DCLK2: variants seen among roughly 807,000 people sequenced by gnomAD.
DCLK2 encodes the protein serine/threonine-protein kinase DCLK2.
DCLK2 carries 31 observed loss-of-function variants against 78.4 expected under a neutral mutation model. The ratio of observed to expected loss-of-function variants is 0.40; its 90% CI spans 0.30 to 0.53. DCLK2 has a LOEUF of 0.53. Ranked by LOEUF, DCLK2 falls within the 20% of genes least tolerant of loss-of-function variation. The pLI is 0.61. For synonymous variants in DCLK2, 407 were observed against 374.9 expected (o/e 1.09, Z -0.99); for missense variants, 872 against 973.7 (o/e 0.90, Z 1.39).
chr4:150,090,774 A>G lies in DCLK2; in HGVS notation c.421+11326A>G, dbSNP rs371650122. 5.9e-5 allele frequency among the ~76,000 whole-genome samples: 9 copies of G among 152,308 alleles called. No individual in the cohort carries two copies. In the South Asian group the frequency reaches 1.7e-3, roughly 28 times the overall value. ...GCAGATTTTGTACCCCCTTCTCGGT[A>G]GAAGGTATCACAGACCATACAACTG... is the stretch of plus-strand genomic sequence containing the variant. On this transcript the variant is annotated intron_variant, in intron 1 of 15. Coordinates refer to ENST00000296550, the MANE Select transcript of DCLK2 (RefSeq NM_001040260.4).
rs1314940487 is a variant in DCLK2 at position 150,257,060 on chromosome 4, G to A, written c.*813G>A. 1 of 152,262 alleles carries A rather than the reference G, an allele frequency of 6.6e-6. No individual in the cohort carries two copies. The highest frequency in any genetic ancestry group is 1.5e-5 in the Non-Finnish European group (1 of 68,062). 9.4% of individuals were successfully genotyped at this position (152,262 alleles called of 1,614,324 possible). ...TTTTAATGAGAGGCTTGGCGCATGC[G>A]GCACCCAGCGGCTGCTTCCCTGCAA... On this transcript the variant is annotated 3_prime_UTR_variant, in exon 16 of 16. Coordinates refer to ENST00000296550, the MANE Select transcript of DCLK2 (RefSeq NM_001040260.4).
At position 150,247,705 on chromosome 4, in the gene DCLK2, C is replaced by G; in HGVS notation, c.1875+6C>G. On this transcript the variant is annotated splice_donor_region_variant and intron_variant, in intron 13 of 15. Transcript: ENST00000296550. The stretch of plus-strand genomic sequence containing the variant: ...ACATCACGGACTCTGCCAAGGTACC[C>G]TCCAGGCCTGTTTCTGTGGGTTGTA... The G allele has an allele frequency of 6.2e-7, 1 of 1,612,332 alleles. No homozygotes were observed. Among genetic ancestry groups the G allele is most frequent in the Non-Finnish European group, 8.5e-7 (1 of 1,178,624 alleles).
At chr4:150,162,125 G>A (rs906221379) in intron 2 of DCLK2, among the ~76,000 whole-genome samples, 1 of 152,036 alleles carries the variant, frequency 6.6e-6, no homozygotes, top group African/African-American at 2.4e-5. Context: ...CAACCTCCTG[G>A]GCTCAGATGA....
At chr4:150,215,700 A>G (rs944697950) in intron 5 of DCLK2, among the ~76,000 whole-genome samples, 4 of 152,226 alleles carry the variant, frequency 2.6e-5, no homozygotes, top group African/African-American at 4.8e-5. Flanking sequence ...TTCATTACAT[A>G]GGCATGATTG....
intron 2 of DCLK2, among the ~76,000 whole-genome samples, chr4:150,107,363 GT>G (rs1232692980): frequency 2.1e-3 from 305 of 143,702 alleles, no homozygotes; most frequent in African/African-American, 7.3e-3. Context: ...GGTTTGTAGG[GT>G]TTTTTTGGTT....
intron 7 of DCLK2, among the ~76,000 whole-genome samples, chr4:150,222,148 G>A (rs62344470): frequency 6.6e-6 from 1 of 151,960 alleles, no homozygotes; most frequent in Non-Finnish European, 1.5e-5. Context: ...TAGAGACAGG[G>A]TCTTGCTTTG....
chr4:150,214,953 C>CAAAAA (rs60156550), intron 5 of DCLK2, among the ~76,000 whole-genome samples: 17 of 86,252 alleles, frequency 2.0e-4, no homozygotes, highest in East Asian at 3.8e-4. Flanking sequence ...CAGAGTGTCT[C>CAAAAA]AAAAAAAAAA....
At chr4:150,107,188 G>A (rs868452384) in intron 2 of DCLK2, among the ~76,000 whole-genome samples, 1 of 151,902 alleles carries the variant, frequency 6.6e-6, no homozygotes, top group South Asian at 2.1e-4. Context: ...CTGGTGTAGA[G>A]TAAGTGAGCT....
chr4:150,244,320 T>C (rs1743145171), intron 12 of DCLK2, among the ~76,000 whole-genome samples: 1 of 152,168 alleles, frequency 6.6e-6, no homozygotes, highest in Admixed American at 6.5e-5. Flanking sequence ...ATTTTAGTTG[T>C]TGTCTAAGCA....
chr4:150,168,629 G>A (rs1329977603), intron 2 of DCLK2, among the ~76,000 whole-genome samples: 1 of 152,160 alleles, frequency 6.6e-6, no homozygotes, highest in East Asian at 1.9e-4. Context: ...GATACGTTCT[G>A]CTGCTAACAG....
At chr4:150,221,972 G>A (rs892962852) in intron 7 of DCLK2, among the ~76,000 whole-genome samples, 187 bp downstream of exon 7, 7 of 150,408 alleles carry the variant, frequency 4.7e-5, no homozygotes, top group Middle Eastern at 3.4e-3. Context: ...TTGTTTGTTT[G>A]TTTGTTTATT....
chr4:150,235,511 G>A (rs1415234997), intron 10 of DCLK2, among the ~76,000 whole-genome samples: 2 of 152,276 alleles, frequency 1.3e-5, no homozygotes, highest in Non-Finnish European at 1.5e-5. Flanking sequence ...ACCTACGGGA[G>A]CCCCCTTGTG....
chr4:150,223,022 A>G (rs1041228211), intron 7 of DCLK2, among the ~76,000 whole-genome samples: 5 of 152,160 alleles, frequency 3.3e-5, no homozygotes, highest in African/African-American at 1.2e-4. Flanking sequence ...AATTTTTATC[A>G]TTTCTGGAGA....
At chr4:150,238,524 T>A (rs1742674157) in intron 10 of DCLK2, among the ~76,000 whole-genome samples, 1 of 152,252 alleles carries the variant, frequency 6.6e-6, no homozygotes, top group South Asian at 2.1e-4. Flanking sequence ...GAAAGGTTCT[T>A]TAAGCATAAA....
At chr4:150,127,080 A>G (rs1410809124) in intron 2 of DCLK2, among the ~76,000 whole-genome samples, 4 of 152,212 alleles carry the variant, frequency 2.6e-5, no homozygotes, top group Non-Finnish European at 4.4e-5. Context: ...TCAGTGAATC[A>G]TAACAGAAGG....
At chr4:150,241,503 T>G (rs1742922726) in intron 12 of DCLK2, among the ~76,000 whole-genome samples, 1 of 152,230 alleles carries the variant, frequency 6.6e-6, no homozygotes, top group Non-Finnish European at 1.5e-5. Context: ...TTCACTTTAA[T>G]CTCTTCCCTT....
In DCLK2 at chr4:150,144,912, A is replaced by G. The variant is rs147225923; in HGVS notation, c.756+42100A>G. On this transcript the variant is annotated intron_variant, in intron 2 of 15. Coordinates refer to ENST00000296550, the MANE Select transcript of DCLK2 (RefSeq NM_001040260.4). ...GTTTTCTCTAATTCTGCGCAATATGATGTTGATAATTTGATAGAAATTACA... is the reference window on the plus strand; with the variant it reads ...GTTTTCTCTAATTCTGCGCAATATGGTGTTGATAATTTGATAGAAATTACA... Among the ~76,000 whole-genome samples the G allele has an allele frequency of 4.2e-3, 644 of 152,240 alleles. 1 individual carries two copies. Among genetic ancestry groups the G allele is most frequent in the Non-Finnish European group, 6.3e-3 (426 of 68,014 alleles).
At chr4:150,164,279 GATT>G (rs1735909011) in intron 2 of DCLK2, among the ~76,000 whole-genome samples, 1 of 152,212 alleles carries the variant, frequency 6.6e-6, no homozygotes, top group Non-Finnish European at 1.5e-5. Flanking sequence ...CCCAGAGTCT[GATT>G]AAGTGGTCTG....
At chr4:150,170,472 T>A (rs538609815) in intron 2 of DCLK2, among the ~76,000 whole-genome samples, 1 of 152,278 alleles carries the variant, frequency 6.6e-6, no homozygotes, top group East Asian at 1.9e-4. Context: ...TGAGGAAAAT[T>A]GAGCTCACTC....
Sources: gnomAD v4.1 joint callset for allele counts (sites outside exome capture counted in the v4.1 genomes callset) on GRCh38, gnomAD v4.1.1 for gene constraint, MANE v1.5 for transcripts, NCBI Gene and HGNC (gene_info 2026-07-23, HGNC 2026-07-21) for gene names.